Variants in RNF216 observed in about 807,000 individuals in gnomAD.
The protein encoded by RNF216 is ring finger protein 216.
In RNF216, 72 loss-of-function variants were observed where a neutral mutation model predicts 110.8. That is an observed-to-expected ratio of 0.65 (90% CI 0.54 to 0.79). The LOEUF (loss-of-function observed/expected upper bound fraction) is 0.79. Ranked by LOEUF, RNF216 falls within the 30% of genes least tolerant of loss-of-function variation. The pLI is 0.00. For missense variants in RNF216, 1,342 were observed against 1,141.2 expected (o/e 1.18, Z -2.54); for synonymous variants, 495 against 407.5 (o/e 1.21, Z -2.59).
chr7:5,771,896 T>C (rs1188648167), intron 1 of RNF216, among the ~76,000 whole-genome samples: 1 of 151,912 alleles, frequency 6.6e-6, no homozygotes, highest in African/African-American at 2.4e-5. Flanking sequence ...AATAAATAAA[T>C]GAAAAAGTGT....
At chr7:5,677,912 T>C (rs1220611991) in intron 13 of RNF216, among the ~76,000 whole-genome samples, 2 of 152,220 alleles carry the variant, frequency 1.3e-5, no homozygotes, top group Non-Finnish European at 2.9e-5. Context: ...CTGGTTTACA[T>C]ACACAGCCCC....
At chr7:5,759,596 C>G (rs1315605682) in intron 2 of RNF216, among the ~76,000 whole-genome samples, 2 of 149,846 alleles carry the variant, frequency 1.3e-5, no homozygotes, top group African/African-American at 4.9e-5. Flanking sequence ...CAACAGTAGG[C>G]TATTCGTACT....
chr7:5,681,887 G>A (rs544506079), intron 13 of RNF216, among the ~76,000 whole-genome samples: 59 of 152,318 alleles, frequency 3.9e-4, no homozygotes, highest in African/African-American at 1.3e-3. Context: ...CATGAAGACG[G>A]GATCTGTGTA....
Position 5,750,399 on chromosome 7 carries a change from G to A in RNF216, c.201+2447C>T, listed in dbSNP as rs568237381. On this transcript the variant is annotated intron_variant, in intron 3 of 16. Coordinates refer to ENST00000389902, the MANE Select transcript of RNF216 (RefSeq NM_207111.4). ...AATTTAAATATGTGCTTTCAAATAT[G>A]TGGTTAGTCAGGCAAACTGGTCTTA... is the stretch of plus-strand genomic sequence containing the variant. Among the ~76,000 whole-genome samples the A allele has an allele frequency of 3.3e-5, 5 of 152,352 alleles. No homozygotes were observed. In the South Asian group the frequency reaches 1.0e-3, roughly 32 times the overall value.
chr7:5,753,121 T>A, intron 2 of RNF216, 142 bp from the exon 3 acceptor site: 1 of 724,292 alleles, frequency 1.4e-6, no homozygotes, highest in Middle Eastern at 3.9e-4. Flanking sequence ...CCCGTGCACT[T>A]AAGCATTAAG....
chr7:5,704,342 G>A (rs1428649094), intron 13 of RNF216, among the ~76,000 whole-genome samples: 2 of 152,206 alleles, frequency 1.3e-5, no homozygotes, highest in Non-Finnish European at 2.9e-5. Flanking sequence ...GGTGCCCTTA[G>A]TCTCACACGG....
In RNF216 at chr7:5,730,832, G is replaced by A. The variant is rs374504035; in HGVS notation, c.1122-15C>T. The stretch of plus-strand genomic sequence containing the variant: ...AATTACAAAGTCTGCAGAAACAAAT[G>A]ATGTTACTTTCATACTGCTTCCAAA... On this transcript the variant is annotated splice_polypyrimidine_tract_variant and intron_variant, in intron 5 of 16. Transcript: ENST00000389902. The A allele has an allele frequency of 3.5e-4, 553 of 1,573,194 alleles. No individual in the cohort carries two copies. The highest frequency in any genetic ancestry group is 4.6e-4 in the Non-Finnish European group (533 of 1,156,582).
chr7:5,776,438 CA>C (rs1228564342), intron 1 of RNF216, among the ~76,000 whole-genome samples: 2 of 147,460 alleles, frequency 1.4e-5, no homozygotes, highest in African/African-American at 5.0e-5. Context: ...AAAAAAAGCA[CA>C]AAAAAATTAG....
At chr7:5,690,377 TA>T (rs1409063299) in intron 13 of RNF216, among the ~76,000 whole-genome samples, 2 of 151,782 alleles carry the variant, frequency 1.3e-5, no homozygotes, top group African/African-American at 4.8e-5. Flanking sequence ...CCTGTTTCTC[TA>T]AAAGCATGGT....
chr7:5,765,080 A>G (rs1238917271), intron 1 of RNF216, among the ~76,000 whole-genome samples: 1 of 151,788 alleles, frequency 6.6e-6, no homozygotes, highest in African/African-American at 2.4e-5. Context: ...AAAAAAAAAA[A>G]AAAAGTAAGG....
chr7:5,630,328 C>T (rs927336138), intron 15 of RNF216, among the ~76,000 whole-genome samples: 1 of 152,150 alleles, frequency 6.6e-6, no homozygotes, highest in African/African-American at 2.4e-5. Context: ...CACTACCTAA[C>T]CTGGAACCCA....
intron 16 of RNF216, among the ~76,000 whole-genome samples, 161 bp from the exon 17 acceptor site, chr7:5,623,340 A>G (rs6975456): frequency 0.019 from 2,893 of 152,256 alleles, 83 homozygotes; most frequent in African/African-American, 0.065. Flanking sequence ...AGAAACCAAG[A>G]ACAAATCTGT....
chr7:5,697,435 C>T (rs1264844616), intron 13 of RNF216, among the ~76,000 whole-genome samples: 2 of 152,244 alleles, frequency 1.3e-5, no homozygotes, highest in Non-Finnish European at 2.9e-5. Context: ...AGGCAGATGA[C>T]AGGCAGCTGG....
At chr7:5,721,438 G>A (rs547932948) in intron 8 of RNF216, among the ~76,000 whole-genome samples, 1 of 152,176 alleles carries the variant, frequency 6.6e-6, no homozygotes, top group East Asian at 1.9e-4. Context: ...TGTACTATGT[G>A]AATATACCAC....
chr7:5,746,114 G>C (rs1795016833), intron 3 of RNF216, among the ~76,000 whole-genome samples: 1 of 152,084 alleles, frequency 6.6e-6, no homozygotes, highest in African/African-American at 2.4e-5. Context: ...CCTTTTTTGG[G>C]AAGTAACGTT....
intron 13 of RNF216, among the ~76,000 whole-genome samples, chr7:5,674,228 C>T (rs1298415309): frequency 6.6e-6 from 1 of 152,026 alleles, no homozygotes; most frequent in African/African-American, 2.4e-5. Context: ...CGGGGTTTCA[C>T]CATGTTGGTC....
intron 13 of RNF216, among the ~76,000 whole-genome samples, chr7:5,701,624 T>A (rs1185531304): frequency 6.6e-6 from 1 of 152,208 alleles, no homozygotes; most frequent in African/African-American, 2.4e-5. Context: ...ATTCACCCTA[T>A]GTCACAAAGC....
intron 3 of RNF216, among the ~76,000 whole-genome samples, chr7:5,745,656 T>G (rs1433769348): frequency 6.6e-6 from 1 of 151,856 alleles, no homozygotes; most frequent in Non-Finnish European, 1.5e-5. Context: ...TCTCAGCACT[T>G]TGGGAGGCTG....
At chr7:5,674,758 G>A (rs1475998098) in intron 13 of RNF216, among the ~76,000 whole-genome samples, 1 of 152,166 alleles carries the variant, frequency 6.6e-6, no homozygotes, top group Non-Finnish European at 1.5e-5. Context: ...GGCTCTAGGA[G>A]GCCGAGGTTG....
Sources: gnomAD v4.1 joint callset for allele counts (sites outside exome capture counted in the v4.1 genomes callset) on GRCh38, gnomAD v4.1.1 for gene constraint, MANE v1.5 for transcripts, NCBI Gene and HGNC (gene_info 2026-07-23, HGNC 2026-07-21) for gene names.